WASHC5: variants seen among roughly 807,000 people sequenced by gnomAD.
WASHC5 encodes WASH complex subunit 5.
In WASHC5, 101 loss-of-function variants were observed where a neutral mutation model predicts 150.4. The ratio of observed to expected loss-of-function variants is 0.67; its 90% CI spans 0.57 to 0.79. The LOEUF (loss-of-function observed/expected upper bound fraction) is 0.79. WASHC5 is among the 30% of genes least tolerant of loss of function. The pLI is 0.00. For missense variants in WASHC5, 1,195 were observed against 1,396.3 expected, an observed-to-expected ratio of 0.86 and a Z score of 2.30; for synonymous variants, 467 against 491.2, an observed-to-expected ratio of 0.95 and a Z score of 0.65.
rs372250277 is a variant in WASHC5 at position 125,044,024 on chromosome 8, A to G, written c.2738T>C (p.Met913Thr). 1 of 1,613,794 alleles carries G rather than the reference A, an allele frequency of 6.2e-7. No homozygotes were observed. The change falls in exon 22 of 29, where the codon ATG (methionine) becomes ACG (threonine). Residue 913 changes from methionine (M) to threonine (T), a missense_variant. Physicochemically the swap from Met to Thr is moderately conservative, Grantham distance 81 (BLOSUM62 -1). This residue lies in a region of WASHC5 where 997 missense variants were observed against 1,168.1 expected (regional missense o/e 0.85). Transcript: ENST00000318410. ...RTVQDTLKTL[M>T]NAVSPLKSIV... ...ACTTTTTAGGGGACTGACAGCATTC[A>G]TGAGGGTTTTTAAAGTGTCCTGAAC... is the stretch of plus-strand genomic sequence containing the variant.
chr8:125,033,778 C>G (rs918583049), intron 26 of WASHC5, among the ~76,000 whole-genome samples: 1 of 152,084 alleles, frequency 6.6e-6, no homozygotes, highest in Non-Finnish European at 1.5e-5. Flanking sequence ...AAACTCCTGA[C>G]CTCAGGTGAT....
chr8:125,076,264 C>G lies in WASHC5; in HGVS notation c.864+84G>C. The G allele has an allele frequency of 3.1e-6, 4 of 1,271,330 alleles. No individual in the cohort carries two copies. In the Admixed American group the frequency reaches 6.8e-5, roughly 21 times the overall value. The allele number at this position is 1,271,330 out of a possible 1,614,324, so 78.8% of individuals were successfully genotyped here. On this transcript the variant is annotated intron_variant, in intron 7 of 28. Transcript: ENST00000318410. ...TTATGTCCCATTATTTACAACATTA[C>G]AACCTGTGGGTTAAAGGCCAAAAGA...
chr8:125,044,967 T>G, intron 20 of WASHC5: 1 of 465,466 alleles, frequency 2.1e-6, no homozygotes, highest in Non-Finnish European at 4.0e-6. Flanking sequence ...GGTGTTGACT[T>G]GGAATCATGC....
At chr8:125,068,034 C>G (rs779873001) in intron 9 of WASHC5, among the ~76,000 whole-genome samples, 4 of 152,186 alleles carry the variant, frequency 2.6e-5, no homozygotes, top group Non-Finnish European at 4.4e-5. Context: ...AACGAATGGG[C>G]AGAGCCTCCT....
intron 16 of WASHC5, 96 bp from the exon 17 acceptor site, chr8:125,055,767 G>A (rs1816386323): frequency 3.7e-6 from 3 of 813,330 alleles, no homozygotes; most frequent in Non-Finnish European, 6.5e-6. Flanking sequence ...TAGGACACCT[G>A]TGTCCACATA....
At chr8:125,039,100 C>A in intron 24 of WASHC5, 141 bp from the exon 25 acceptor site, 1 of 954,268 alleles carries the variant, frequency 1.0e-6, no homozygotes. Flanking sequence ...TAATTCTCAA[C>A]CATGCCTGTG....
chr8:125,087,505 G>A (rs1189102158), intron 1 of WASHC5, among the ~76,000 whole-genome samples: 1 of 152,126 alleles, frequency 6.6e-6, no homozygotes, highest in Non-Finnish European at 1.5e-5. Flanking sequence ...AAGGTAGGAG[G>A]AATGCTTGAG....
intron 26 of WASHC5, among the ~76,000 whole-genome samples, chr8:125,033,955 A>T (rs945185673): frequency 6.6e-6 from 1 of 152,176 alleles, no homozygotes; most frequent in Admixed American, 6.5e-5. Context: ...AGTTACCAGT[A>T]AAAAAATACA....
intron 17 of WASHC5, among the ~76,000 whole-genome samples, chr8:125,052,637 C>CACACACACACACAT (rs1414587856): frequency 1.3e-5 from 2 of 151,432 alleles, no homozygotes; most frequent in Non-Finnish European, 1.5e-5. Context: ...CACACACACA[C>CACACACACACACAT]ACATACATAC....
Position 125,044,556 on chromosome 8 carries a change from T to C in WASHC5, c.2647A>G (p.Met883Val), listed in dbSNP as rs1815998859. The C allele has an allele frequency of 3.1e-6, 5 of 1,614,078 alleles. No individual in the cohort carries two copies. The highest frequency in any genetic ancestry group is 4.2e-6 in the Non-Finnish European group (5 of 1,179,916). Residue 883 changes from methionine to valine, a missense_variant, in exon 21 of 29, where the codon ATG becomes GTG. By Grantham distance (21) the Met-to-Val change is conservative. Coordinates refer to ENST00000318410, the MANE Select transcript of WASHC5 (RefSeq NM_014846.4). ...CTCACCTGTAACTCTTTTACAATCA[T>C]AAAGCACAGAAGCCTGTCTAAGCCA... ...LNGLDRLLCFMIVKELQNFLS... is the reference protein window; with the variant it reads ...LNGLDRLLCFVIVKELQNFLS...
intron 1 of WASHC5, among the ~76,000 whole-genome samples, chr8:125,091,140 C>T (rs570294018): frequency 3.3e-4 from 50 of 149,838 alleles, no homozygotes; most frequent in African/African-American, 1.2e-3. Context: ...TTTTTTTTTT[C>T]CCCCAAATGC....
intron 1 of WASHC5, among the ~76,000 whole-genome samples, chr8:125,086,845 T>G (rs1817435281): frequency 6.6e-6 from 1 of 152,186 alleles, no homozygotes; most frequent in Non-Finnish European, 1.5e-5. Context: ...GGAAAAGTCC[T>G]GACACAGAAG....
At chr8:125,077,504 G>C (rs1317514166) in intron 6 of WASHC5, among the ~76,000 whole-genome samples, 1 of 152,174 alleles carries the variant, frequency 6.6e-6, no homozygotes, top group Non-Finnish European at 1.5e-5. Flanking sequence ...GACAGAGAGT[G>C]GGGTGGACAC....
intron 6 of WASHC5, 134 bp downstream of exon 6, chr8:125,078,604 A>G: frequency 1.4e-6 from 1 of 708,316 alleles, no homozygotes; most frequent in Non-Finnish European, 2.5e-6. Context: ...CCTGGGGTGT[A>G]GCTCAAAAGG....
chr8:125,027,384 A>G (rs1815404364), intron 28 of WASHC5, among the ~76,000 whole-genome samples: 1 of 152,248 alleles, frequency 6.6e-6, no homozygotes, highest in Non-Finnish European at 1.5e-5. Flanking sequence ...TCCATCAATC[A>G]ATGAGTGGAT....
At chr8:125,071,622 GCTCCCCTATCCCAAGCAATGTTTCC>G (rs1168994248) in intron 9 of WASHC5, among the ~76,000 whole-genome samples, 2 of 152,100 alleles carry the variant, frequency 1.3e-5, no homozygotes, top group Admixed American at 1.3e-4. Flanking sequence ...GACCTCCTCT[GCTCCCCTATCCCAAGCAATGTTTCC>G]CTCTCTACTC....
rs1441259402 is a variant in WASHC5, at chr8:125,038,934, G to A, written c.2980C>T (p.His994Tyr). 4.3e-6 allele frequency: 7 copies of A among 1,613,910 alleles called. No homozygotes were observed. The highest frequency in any genetic ancestry group is 1.3e-5 in the African/African-American group (1 of 75,052). The change falls in exon 25 of 29, where the codon CAC becomes TAC. Residue 994 changes from histidine to tyrosine, a missense_variant. This residue lies in a region of WASHC5 where 997 missense variants were observed against 1,168.1 expected (regional missense o/e 0.85). Transcript: ENST00000318410. Reference protein sequence around the residue: ...NKALLADIEAHYQDPSLPYPK... With the variant: ...NKALLADIEAYYQDPSLPYPK... ...TAAGGAAGTGAAGGGTCCTGATAGT[G>A]GGCTTCAATGTCTGCTAGGAGAGCC...
rs769456982 is a variant in WASHC5, at chr8:125,049,133, A to G, written c.2252T>C (p.Phe751Ser). Residue 751 changes from phenylalanine to serine, a missense_variant, in exon 19 of 29, where the codon TTC (phenylalanine) becomes TCC (serine). Physicochemically the swap from Phe to Ser is radical, Grantham distance 155. This residue lies in a region of WASHC5 where 997 missense variants were observed against 1,168.1 expected (regional missense o/e 0.85). Coordinates refer to ENST00000318410, the MANE Select transcript of WASHC5 (RefSeq NM_014846.4). ...LKELGATMDG[F>S]HRSFEYIQDY... Reference sequence around the variant, plus strand: ...CTGTATGTATTCAAAAGAACGATGGAATCCATCCATGGTCGCTCCCAACTC... The same window carrying G: ...CTGTATGTATTCAAAAGAACGATGGGATCCATCCATGGTCGCTCCCAACTC... The G allele has an allele frequency of 2.0e-5, 33 of 1,614,144 alleles. No homozygotes were observed. Among genetic ancestry groups the G allele is most frequent in the Non-Finnish European group, 2.8e-5 (33 of 1,180,002 alleles).
Position 125,032,308 on chromosome 8 carries a change from G to A in WASHC5, c.3268C>T (p.Arg1090Trp), listed in dbSNP as rs368308415. 16 of 1,614,186 alleles carry A rather than the reference G, an allele frequency of 9.9e-6. No individual in the cohort carries two copies. The highest frequency in any genetic ancestry group is 1.7e-5 in the Admixed American group (1 of 60,032). ...LLTLLKQFHSRYTEQFLALIG... is the reference protein window; with the variant it reads ...LLTLLKQFHSWYTEQFLALIG... ...AGCGCCAGGAACTGCTCGGTGTACC[G>A]GGAATGGAACTGCTTCAGCAGAGTG... The change falls in exon 27 of 29, where the codon CGG becomes TGG. Residue 1090 changes from arginine to tryptophan, a missense_variant. By Grantham distance (101) the Arg-to-Trp change is moderately radical (BLOSUM62 -3). Coordinates refer to ENST00000318410, the MANE Select transcript of WASHC5 (RefSeq NM_014846.4).
Sources: allele counts gnomAD v4.1 joint callset (sites outside exome capture counted in the v4.1 genomes callset), GRCh38; gene constraint gnomAD v4.1.1; regional missense constraint gnomAD v4.1.1; transcripts MANE v1.5; gene names NCBI Gene and HGNC (gene_info 2026-07-23, HGNC 2026-07-21).